The following AK5 variants were observed in gnomAD, a reference collection of about 807,000 sequenced individuals.
AK5 encodes adenylate kinase isoenzyme 5.
In AK5, 27 loss-of-function variants were observed where a neutral mutation model predicts 69.5. The ratio of observed to expected loss-of-function variants is 0.39; its 90% CI spans 0.29 to 0.54. The LOEUF (loss-of-function observed/expected upper bound fraction) is 0.54. AK5 is among the 20% of genes least tolerant of loss of function. The probability of loss-of-function intolerance (pLI) is 0.71; values close to 1 mark genes in which losing one functional copy is unlikely to be tolerated. For synonymous variants in AK5, 260 were observed against 244.4 expected (o/e 1.06, Z -0.60); for missense variants, 531 against 700.4 (o/e 0.76, Z 2.73).
intron 12 of AK5, among the ~76,000 whole-genome samples, chr1:77,530,903 G>A (rs555343450): frequency 2.6e-5 from 4 of 152,158 alleles, no homozygotes; most frequent in East Asian, 3.9e-4. Flanking sequence ...TTCTCCTCCC[G>A]CTCCACTTGC....
Position 77,282,286 on chromosome 1 carries a change from TGCGCCCCAAG to T in AK5, c.-25_-16del. On this transcript the variant is annotated 5_prime_UTR_variant, in exon 1 of 14. Coordinates refer to ENST00000354567, the MANE Select transcript of AK5 (RefSeq NM_174858.3). ...GCCGCAGCCCGGGAGCCTCCCCGCT[TGCGCCCCAAG>T]GCACGCGCGGCACAGCCATGAACAC... is the stretch of plus-strand genomic sequence containing the variant. The T allele has an allele frequency of 1.3e-6, 2 of 1,541,704 alleles. No individual in the cohort carries two copies.
chr1:77,408,765 T>C (rs1381119762), intron 6 of AK5, among the ~76,000 whole-genome samples: 5 of 152,184 alleles, frequency 3.3e-5, no homozygotes, highest in African/African-American at 1.2e-4. Context: ...TTTTCTTTTT[T>C]AATTTTTATT....
chr1:77,292,734 T>C (rs559571898), intron 2 of AK5, among the ~76,000 whole-genome samples: 1 of 152,320 alleles, frequency 6.6e-6, no homozygotes, highest in Non-Finnish European at 1.5e-5. Flanking sequence ...TCCCACCAAC[T>C]GTGTTATATT....
intron 5 of AK5, among the ~76,000 whole-genome samples, chr1:77,299,350 T>C (rs996511054): frequency 1.0e-4 from 15 of 148,582 alleles, no homozygotes; most frequent in African/African-American, 3.4e-4. Flanking sequence ...TCAAGGAGCA[T>C]TTAACATATT....
intron 2 of AK5, among the ~76,000 whole-genome samples, chr1:77,291,659 A>G (rs1453057078): frequency 6.6e-6 from 1 of 152,142 alleles, no homozygotes; most frequent in Non-Finnish European, 1.5e-5. Flanking sequence ...TCTTTTTATT[A>G]CTAATTCAAC....
chr1:77,457,548 T>G (rs1195288218), intron 8 of AK5, among the ~76,000 whole-genome samples: 2 of 152,184 alleles, frequency 1.3e-5, no homozygotes, highest in Non-Finnish European at 2.9e-5. Context: ...TCAAGAGCTC[T>G]TTCTTTCTTT....
At chr1:77,538,667 T>TA (rs944896747) in intron 13 of AK5, among the ~76,000 whole-genome samples, 1 of 151,496 alleles carries the variant, frequency 6.6e-6, no homozygotes, top group East Asian at 1.9e-4. Flanking sequence ...AAAAAAAAAT[T>TA]AAAAAAAAGA....
intron 6 of AK5, among the ~76,000 whole-genome samples, chr1:77,342,716 T>C (rs1661718573): frequency 6.6e-6 from 1 of 152,180 alleles, no homozygotes; most frequent in Non-Finnish European, 1.5e-5. Context: ...ACTTCTGCTT[T>C]TAAAGATGAG....
chr1:77,391,412 C>CATATAT (rs1199746973), intron 6 of AK5, among the ~76,000 whole-genome samples: 6 of 131,154 alleles, frequency 4.6e-5, no homozygotes, highest in Non-Finnish European at 9.4e-5. Context: ...TATACACACA[C>CATATAT]ATATATATGT....
chr1:77,325,167 T>G (rs1278440751), intron 5 of AK5, among the ~76,000 whole-genome samples: 3 of 124,170 alleles, frequency 2.4e-5, no homozygotes, highest in African/African-American at 8.0e-5. Flanking sequence ...TTTTGTTTTT[T>G]TTTTTTTTTG....
chr1:77,336,270 CA>C (rs1661357406), intron 5 of AK5, among the ~76,000 whole-genome samples: 1 of 151,928 alleles, frequency 6.6e-6, no homozygotes, highest in African/African-American at 2.4e-5. Flanking sequence ...TTAGTGGAGA[CA>C]GGGTTTCACC....
intron 10 of AK5, among the ~76,000 whole-genome samples, chr1:77,517,761 AAT>A (rs2100308243): frequency 6.6e-6 from 1 of 152,342 alleles, no homozygotes; most frequent in South Asian, 2.1e-4. Flanking sequence ...ATAATCTTCA[AAT>A]GTGTCAAGGA....
intron 13 of AK5, among the ~76,000 whole-genome samples, chr1:77,543,938 C>G (rs1659410735): frequency 1.3e-5 from 2 of 152,104 alleles, no homozygotes; most frequent in Non-Finnish European, 2.9e-5. Flanking sequence ...CACACACACA[C>G]ACACACACAC....
rs1158132298 is a variant in AK5, at chr1:77,434,069, C to T, written c.1059+16354C>T. Among the ~76,000 whole-genome samples the T allele has an allele frequency of 3.4e-5, 5 of 148,398 alleles. No individual in the cohort carries two copies. In the East Asian group the frequency reaches 9.9e-4, roughly 29 times the overall value. On this transcript the variant is annotated intron_variant, in intron 8 of 13. Transcript: ENST00000354567. ...ACAAAAAGATAGAAAACAACCGTGG[C>T]TTAAAATCTGATGAAATCAGAAAAA...
At chr1:77,293,641 A>G (rs949562160) in intron 2 of AK5, 152 bp from the exon 3 acceptor site, 4 of 629,438 alleles carry the variant, frequency 6.4e-6, no homozygotes, top group South Asian at 2.5e-5. Context: ...ACCCTTTACA[A>G]TAAAGCCTGC....
chr1:77,328,583 T>C (rs1165951123), intron 5 of AK5, among the ~76,000 whole-genome samples: 2 of 152,170 alleles, frequency 1.3e-5, no homozygotes, highest in Non-Finnish European at 2.9e-5. Context: ...ATCACTCTTA[T>C]TGAAATGAAG....
chr1:77,497,047 G>A (rs990704341), intron 10 of AK5, among the ~76,000 whole-genome samples: 1 of 152,174 alleles, frequency 6.6e-6, no homozygotes, highest in Non-Finnish European at 1.5e-5. Context: ...TTGTTCTTTC[G>A]CTTTTCACAA....
At chr1:77,305,817 C>T (rs1218403410) in intron 5 of AK5, among the ~76,000 whole-genome samples, 2 of 151,982 alleles carry the variant, frequency 1.3e-5, no homozygotes, top group Non-Finnish European at 2.9e-5. Context: ...ATGGCTTTGG[C>T]TATTCTGGGT....
At chr1:77,501,217 T>A (rs147817163) in intron 10 of AK5, among the ~76,000 whole-genome samples, 1 of 152,198 alleles carries the variant, frequency 6.6e-6, no homozygotes, top group Non-Finnish European at 1.5e-5. Context: ...GGGAAGGAGA[T>A]GGGCCAAACC....
Sources: allele counts gnomAD v4.1 joint callset (sites outside exome capture counted in the v4.1 genomes callset), GRCh38; gene constraint gnomAD v4.1.1; transcripts MANE v1.5; gene names NCBI Gene and HGNC (gene_info 2026-07-23, HGNC 2026-07-21).